The following CIPC variants were observed in gnomAD, a reference collection of about 807,000 sequenced individuals.
CIPC encodes the protein CLOCK interacting pacemaker, also known as CLOCK-interacting pacemaker.
CIPC carries 12 observed loss-of-function variants against 26.7 expected under a neutral mutation model. That is an observed-to-expected ratio of 0.45 (90% CI 0.29 to 0.73). The LOEUF is 0.73. Ranked by LOEUF, CIPC falls within the 30% of genes least tolerant of loss-of-function variation. The pLI is 0.12. For synonymous variants in CIPC, 170 were observed against 189.8 expected (o/e 0.90, Z 0.86); for missense variants, 417 against 486.5 (o/e 0.86, Z 1.34).
At position 77,114,049 on chromosome 14, in the gene CIPC, C is replaced by G. The variant is rs556150937; in HGVS notation, c.931C>G (p.Gln311Glu). 2 of 1,614,078 alleles carry G rather than the reference C, an allele frequency of 1.2e-6. No individual in the cohort carries two copies. Among genetic ancestry groups the G allele is most frequent in the South Asian group, 2.2e-5 (2 of 91,084 alleles). ...CCCAGATATCTTTTCAGAGCAGCGGCAGAGCAAACATAGGCGCTTTCAGAA... is the reference window on the plus strand; with the variant it reads ...CCCAGATATCTTTTCAGAGCAGCGGGAGAGCAAACATAGGCGCTTTCAGAA... The part of the protein sequence containing the change: ...RSPDIFSEQR[Q>E]SKHRRFQNTL... Residue 311 changes from glutamine (Q) to glutamate (E), a missense_variant, in exon 4 of 4, where the codon CAG (glutamine) becomes GAG (glutamate). Coordinates refer to ENST00000361786, the MANE Select transcript of CIPC (RefSeq NM_033426.3).
At position 77,114,875 on chromosome 14, in the gene CIPC, A is replaced by G. The variant is rs935773269; in HGVS notation, c.*557A>G. The G allele has an allele frequency of 2.6e-5, 4 of 153,464 alleles. No homozygotes were observed. Among genetic ancestry groups the G allele is most frequent in the African/African-American group, 9.7e-5 (4 of 41,450 alleles). The allele number at this position is 153,464 out of a possible 1,614,324, so 9.5% of individuals were successfully genotyped here. A position where few individuals can be genotyped will look rare whatever the true frequency, so the allele number is the denominator to read the frequency against. On this transcript the variant is annotated 3_prime_UTR_variant, in exon 4 of 4. Transcript: ENST00000361786. The stretch of plus-strand genomic sequence containing the variant: ...TGCACCTGGGTGTGAGCACTTAATC[A>G]CTCAACGCTTTGTTTTCTTACACTT...
At chr14:77,105,916 C>A in intron 2 of CIPC, 72 bp downstream of exon 2, 1 of 1,562,644 alleles carries the variant, frequency 6.4e-7, no homozygotes, top group Middle Eastern at 1.8e-4. Context: ...CCCCAAAACT[C>A]ATTTATGTGA....
In CIPC at chr14:77,116,036, T is replaced by C. The variant is rs1886806972; in HGVS notation, c.*1718T>C. ...AGTTTTACCAAGACCAGAAGTTAAATATGACATTTCCTAGGTAGTTGTAAC... is the reference window on the plus strand; with the variant it reads ...AGTTTTACCAAGACCAGAAGTTAAACATGACATTTCCTAGGTAGTTGTAAC... On this transcript the variant is annotated 3_prime_UTR_variant, in exon 4 of 4. Transcript: ENST00000361786. 1 of 152,230 alleles carries C rather than the reference T, an allele frequency of 6.6e-6. No homozygotes were observed. The highest frequency in any genetic ancestry group is 6.5e-5 in the Admixed American group (1 of 15,284). 9.4% of individuals were successfully genotyped at this position (152,230 alleles called of 1,614,324 possible).
At chr14:77,104,190 G>A (rs546568340) in intron 1 of CIPC, among the ~76,000 whole-genome samples, 5 of 152,246 alleles carry the variant, frequency 3.3e-5, no homozygotes, top group Admixed American at 3.3e-4. Flanking sequence ...AAGAGTTCAC[G>A]ACCAGCTGAG....
At chr14:77,113,350 C>A (rs1299598713) in intron 3 of CIPC, 75 bp from the exon 4 acceptor site, 1 of 1,522,620 alleles carries the variant, frequency 6.6e-7, no homozygotes. Flanking sequence ...TCCACTTGCC[C>A]CTTTGACAGA....
intron 1 of CIPC, among the ~76,000 whole-genome samples, chr14:77,103,091 A>G (rs1265582276): frequency 2.0e-5 from 3 of 152,178 alleles, no homozygotes; most frequent in African/African-American, 7.2e-5. Flanking sequence ...AGAGTGCTTG[A>G]TTTGATGTCA....
At chr14:77,101,518 A>T (rs1327003221) in intron 1 of CIPC, among the ~76,000 whole-genome samples, 2 of 152,184 alleles carry the variant, frequency 1.3e-5, no homozygotes, top group Non-Finnish European at 2.9e-5. Context: ...TCCAACTGCC[A>T]CCAACTCCCC....
chr14:77,098,581 GA>G (rs1397897753), intron 1 of CIPC: 1 of 153,038 alleles, frequency 6.5e-6, no homozygotes, highest in Non-Finnish European at 1.5e-5. Flanking sequence ...AATCGCGGGT[GA>G]GGAGGGGGCT....
Position 77,114,356 on chromosome 14 carries a change from T to G in CIPC, c.*38T>G. Reference sequence around the variant, plus strand: ...TTTTCCTGTTACTTGAGTGGTTCTTTTAGCTCATTTGCTGTTACCTACTCC... The same window carrying G: ...TTTTCCTGTTACTTGAGTGGTTCTTGTAGCTCATTTGCTGTTACCTACTCC... On this transcript the variant is annotated 3_prime_UTR_variant, in exon 4 of 4. Transcript: ENST00000361786. 6.5e-7 allele frequency: 1 copy of G among 1,540,294 alleles called. No homozygotes were observed. Among genetic ancestry groups the G allele is most frequent in the Non-Finnish European group, 8.7e-7 (1 of 1,145,734 alleles).
intron 2 of CIPC, among the ~76,000 whole-genome samples, chr14:77,108,929 T>G (rs1331972776): frequency 6.6e-6 from 1 of 152,172 alleles, no homozygotes; most frequent in Non-Finnish European, 1.5e-5. Context: ...CTCGTTGACA[T>G]GTCTCTGTTA....
intron 2 of CIPC, 159 bp downstream of exon 2, chr14:77,106,003 G>A: frequency 1.4e-6 from 1 of 740,348 alleles, no homozygotes; most frequent in Middle Eastern, 4.2e-4. Context: ...ATATGTCAGG[G>A]TACCCATCAA....
At chr14:77,109,215 G>A (rs1318008344) in intron 2 of CIPC, among the ~76,000 whole-genome samples, 1 of 152,174 alleles carries the variant, frequency 6.6e-6, no homozygotes, top group Non-Finnish European at 1.5e-5. Flanking sequence ...AATCACTTCA[G>A]TAGATCAAGG....
At position 77,114,589 on chromosome 14, in the gene CIPC, G is replaced by A; in HGVS notation, c.*271G>A. ...CCTGCAGGTGCTTCAATGGATCATG[G>A]GGCAAAGCAGGAGATGATTGTGTGG... On this transcript the variant is annotated 3_prime_UTR_variant, in exon 4 of 4. Transcript: ENST00000361786. The A allele has an allele frequency of 2.6e-6, 1 of 384,446 alleles. No individual in the cohort carries two copies. Among genetic ancestry groups the A allele is most frequent in the Non-Finnish European group, 4.7e-6 (1 of 211,176 alleles). 23.8% of individuals were successfully genotyped at this position (384,446 alleles called of 1,614,324 possible).
In CIPC at chr14:77,107,654, A is replaced by T. The variant is rs369933811; in HGVS notation, c.136+1810A>T. On this transcript the variant is annotated intron_variant, in intron 2 of 3. Coordinates refer to ENST00000361786, the MANE Select transcript of CIPC (RefSeq NM_033426.3). ...CACACACACACACACACACACACACACACACTCTCTCTCTGAATTATTTGA... is the reference window on the plus strand; with the variant it reads ...CACACACACACACACACACACACACTCACACTCTCTCTCTGAATTATTTGA... Among the ~76,000 whole-genome samples the T allele has an allele frequency of 3.2e-3, 425 of 132,756 alleles. 2 individuals are homozygous for T. The highest frequency in any genetic ancestry group is 5.1e-3 in the South Asian group (21 of 4,126). 87.1% of individuals were successfully genotyped at this position (132,756 alleles called of 152,430 possible).
intron 1 of CIPC, chr14:77,098,718 A>G (rs1044181121): frequency 2.2e-4 from 33 of 152,884 alleles, no homozygotes; most frequent in Middle Eastern, 3.3e-3. Context: ...GGGCCAAGCA[A>G]TGGGCAGGTG....
At chr14:77,107,088 C>T (rs1886604940) in intron 2 of CIPC, among the ~76,000 whole-genome samples, 1 of 152,218 alleles carries the variant, frequency 6.6e-6, no homozygotes. Flanking sequence ...GTTGTATGAT[C>T]AGACAGGTTT....
At chr14:77,108,408 T>A (rs1416488456) in intron 2 of CIPC, among the ~76,000 whole-genome samples, 1 of 152,204 alleles carries the variant, frequency 6.6e-6, no homozygotes, top group African/African-American at 2.4e-5. Flanking sequence ...AGTGGTGATC[T>A]TGGCCGGGCG....
rs1886814565 is a variant in CIPC, at chr14:77,116,387, A to G, written c.*2069A>G. 6.6e-6 allele frequency: 1 copy of G among 152,256 alleles called. No homozygotes were observed. The allele number at this position is 152,256 out of a possible 1,614,324, so 9.4% of individuals were successfully genotyped here. The stretch of plus-strand genomic sequence containing the variant: ...TTTTTGGCAGAATATGTTTGGCAGC[A>G]AAGCTATAGAGACAGGTGCATTCAG... On this transcript the variant is annotated 3_prime_UTR_variant, in exon 4 of 4. Coordinates refer to ENST00000361786, the MANE Select transcript of CIPC (RefSeq NM_033426.3).
rs543221665 is a variant in CIPC, at chr14:77,106,207, A to C, written c.136+363A>C. 6.4e-4 allele frequency: 104 copies of C among 161,440 alleles called. 1 individual carries two copies. Among genetic ancestry groups the C allele is most frequent in the Non-Finnish European group, 1.2e-3 (89 of 74,056 alleles). The allele number at this position is 161,440 out of a possible 1,614,324, so 10.0% of individuals were successfully genotyped here. A position where few individuals can be genotyped will look rare whatever the true frequency, so the allele number is the denominator to read the frequency against. ...AAAATTGCTACTGCATGTAGTTTCC[A>C]TGTAACAAATTGGAAGACTGCCAGT... is the stretch of plus-strand genomic sequence containing the variant. On this transcript the variant is annotated intron_variant, in intron 2 of 3. Coordinates refer to ENST00000361786, the MANE Select transcript of CIPC (RefSeq NM_033426.3).
Sources: gnomAD v4.1 joint callset for allele counts (sites outside exome capture counted in the v4.1 genomes callset) on GRCh38, gnomAD v4.1.1 for gene constraint, MANE v1.5 for transcripts, NCBI Gene and HGNC (gene_info 2026-07-23, HGNC 2026-07-21) for gene names.